The following PARVB variants were observed in gnomAD, a reference collection of about 807,000 sequenced individuals.
The protein encoded by PARVB is parvin beta, also known as beta-parvin.
In PARVB, 46 loss-of-function variants were observed where a neutral mutation model predicts 47.0. The observed-to-expected ratio is 0.98, with a 90% confidence interval of 0.77 to 1.25. The LOEUF (loss-of-function observed/expected upper bound fraction) is 1.25, where lower values mean the gene tolerates loss of function less well. Among genes scored for constraint, PARVB ranks in the 50% most tolerant of loss-of-function variants. The pLI is 0.00. For missense variants in PARVB, 473 were observed against 471.6 expected, an observed-to-expected ratio of 1.00 and a Z score of -0.03; for synonymous variants, 196 against 196.3, an observed-to-expected ratio of 1.00 and a Z score of 0.01.
intron 2 of PARVB, among the ~76,000 whole-genome samples, chr22:44,099,059 A>G (rs953848088): frequency 1.3e-5 from 2 of 152,154 alleles, no homozygotes; most frequent in African/African-American, 4.8e-5. Context: ...CCTGGTCTCA[A>G]CTGTGTCCTG....
intron 1 of PARVB, among the ~76,000 whole-genome samples, chr22:44,075,069 T>C (rs1293232490): frequency 6.6e-6 from 1 of 151,938 alleles, no homozygotes; most frequent in Non-Finnish European, 1.5e-5. Context: ...ACCCAAAGTG[T>C]CTCCAGATGC....
At chr22:44,092,671 C>G (rs2052199618) in intron 1 of PARVB, among the ~76,000 whole-genome samples, 1 of 152,140 alleles carries the variant, frequency 6.6e-6, no homozygotes, top group African/African-American at 2.4e-5. Context: ...TCAGCCCTTC[C>G]AAAGGCCCTG....
At chr22:44,052,406 C>A (rs981095239) in intron 1 of PARVB, among the ~76,000 whole-genome samples, 9 of 152,218 alleles carry the variant, frequency 5.9e-5, no homozygotes, top group African/African-American at 2.2e-4. Flanking sequence ...AATGCCGAAC[C>A]TACCTGTGTT....
chr22:44,023,546 A>G (rs962581155), upstream of PARVB, among the ~76,000 whole-genome samples: 1 of 61,664 alleles, frequency 1.6e-5, no homozygotes, highest in Non-Finnish European at 2.9e-5. Flanking sequence ...ACAAAATAAA[A>G]TAAAATAAAA....
chr22:44,058,874 A>G (rs1194933847), intron 1 of PARVB, among the ~76,000 whole-genome samples: 2 of 151,154 alleles, frequency 1.3e-5, no homozygotes, highest in Non-Finnish European at 3.0e-5. Flanking sequence ...TTTGGATGAG[A>G]CACCATTCAA....
At chr22:44,164,784 C>T (rs1231850367) in intron 12 of PARVB, among the ~76,000 whole-genome samples, 1 of 152,180 alleles carries the variant, frequency 6.6e-6, no homozygotes, top group African/African-American at 2.4e-5. Context: ...GCTTCCTACA[C>T]CTGTTGCCAG....
intron 5 of PARVB, among the ~76,000 whole-genome samples, chr22:44,131,975 G>A (rs940054485): frequency 3.9e-5 from 6 of 152,232 alleles, no homozygotes; most frequent in Non-Finnish European, 5.9e-5. Flanking sequence ...ACTGGTGGCA[G>A]CAACACCTAG....
chr22:44,136,637 T>C, intron 7 of PARVB, 119 bp downstream of exon 7: 1 of 779,766 alleles, frequency 1.3e-6, no homozygotes, highest in Non-Finnish European at 2.3e-6. Flanking sequence ...CCACACCCCT[T>C]CTCTGTAGCA....
In PARVB at chr22:44,049,509, A is replaced by ATGTGTGCAGAGGATGCAC. The variant is rs2051170655; in HGVS notation, c.112+25061_112+25078dup. The stretch of plus-strand genomic sequence containing the variant: ...GCATAAAAATATCTGCGGAGTGAAA[A>ATGTGTGCAGAGGATGCAC]TGTGTGCAGAGGATGCACTGCGTGC... On this transcript the variant is annotated intron_variant, in intron 1 of 12. Coordinates refer to ENST00000338758, the MANE Select transcript of PARVB (RefSeq NM_013327.5). This position sits in a 1 kb window ranked among gnomAD's most constrained non-coding sequence, Gnocchi z 4.0. Among the ~76,000 whole-genome samples, 1 of 152,186 alleles carries ATGTGTGCAGAGGATGCAC rather than the reference A, an allele frequency of 6.6e-6. No individual in the cohort carries two copies. The highest frequency in any genetic ancestry group is 1.5e-5 in the Non-Finnish European group (1 of 68,044).
intron 1 of PARVB, among the ~76,000 whole-genome samples, chr22:44,088,906 G>A (rs1329069458): frequency 6.6e-6 from 1 of 152,224 alleles, no homozygotes; most frequent in Non-Finnish European, 1.5e-5. Context: ...GGACAAGTAT[G>A]TTCTGTAATC....
Position 44,102,389 on chromosome 22 carries a change from A to G in PARVB, c.273+2266A>G, listed in dbSNP as rs1733103395. 2.6e-5 allele frequency among the ~76,000 whole-genome samples: 4 copies of G among 152,328 alleles called. No individual in the cohort carries two copies. The South Asian group carries it at 8.3e-4, about 32-fold the overall frequency. On this transcript the variant is annotated intron_variant, in intron 3 of 12. Coordinates refer to ENST00000338758, the MANE Select transcript of PARVB (RefSeq NM_013327.5). ...CACCCCAGAGCCCAGGCAAGTTGAC[A>G]CAGAAGATGAACCATCCCATGCACC... is the stretch of plus-strand genomic sequence containing the variant.
At chr22:44,072,302 C>T (rs2051673110) in intron 1 of PARVB, among the ~76,000 whole-genome samples, 1 of 152,196 alleles carries the variant, frequency 6.6e-6, no homozygotes, top group African/African-American at 2.4e-5. Flanking sequence ...CCCCGAGTCT[C>T]TGTCCCCACC....
chr22:44,159,685 G>T (rs2054010539), intron 11 of PARVB, among the ~76,000 whole-genome samples: 1 of 152,144 alleles, frequency 6.6e-6, no homozygotes, highest in African/African-American at 2.4e-5. Flanking sequence ...CTGCTGGCAA[G>T]GTCTTCATGA....
intron 11 of PARVB, among the ~76,000 whole-genome samples, chr22:44,160,649 A>G (rs192063168): frequency 2.6e-5 from 4 of 152,288 alleles, no homozygotes; most frequent in South Asian, 4.1e-4. Flanking sequence ...GGGAGGAGGC[A>G]TGGCCTTGAG....
intron 1 of PARVB, chr22:44,081,477 T>C (rs2051898634): frequency 3.2e-6 from 1 of 316,342 alleles, no homozygotes; most frequent in Non-Finnish European, 4.6e-6. Flanking sequence ...CTTCTTATTT[T>C]CTCAGCAGAC....
chr22:44,031,897 A>T (rs1320121135), intron 1 of PARVB, among the ~76,000 whole-genome samples: 1 of 151,974 alleles, frequency 6.6e-6, no homozygotes, highest in African/African-American at 2.4e-5. Flanking sequence ...CTTTTCGAAC[A>T]TGCGGTTCCA....
intron 3 of PARVB, chr22:44,111,762 C>G (rs1161240697): frequency 6.6e-6 from 1 of 151,800 alleles, no homozygotes; most frequent in East Asian, 1.9e-4. Context: ...CATTTTAAAG[C>G]CATGAGCCAA....
At chr22:44,064,143 C>T (rs1482769111) in intron 1 of PARVB, among the ~76,000 whole-genome samples, 1 of 152,102 alleles carries the variant, frequency 6.6e-6, no homozygotes. Context: ...TGCTGGGGAT[C>T]GCATGTGTGA....
intron 3 of PARVB, chr22:44,105,695 TGATA>T (rs1165839518): frequency 1.3e-5 from 2 of 152,240 alleles, no homozygotes; most frequent in Admixed American, 6.5e-5. Flanking sequence ...AATTCATCCT[TGATA>T]GATAGTAAGA....
Sources: gnomAD v4.1 joint callset for allele counts (sites outside exome capture counted in the v4.1 genomes callset) on GRCh38, gnomAD v4.1.1 for gene constraint, Gnocchi (gnomAD v3.1) non-coding constraint, MANE v1.5 for transcripts, NCBI Gene and HGNC (gene_info 2026-07-23, HGNC 2026-07-21) for gene names.